FAT3: variants seen among roughly 807,000 people sequenced by gnomAD.
FAT3 encodes the protein FAT atypical cadherin 3.
Under a neutral mutation model 310.2 loss-of-function variants are expected in FAT3, and 95 were observed. The ratio of observed to expected loss-of-function variants is 0.31; its 90% CI spans 0.26 to 0.36. The LOEUF is 0.36. FAT3 is among the 10% of genes least tolerant of loss of function. FAT3 has a pLI of 1.00. For missense variants in FAT3, 5,408 were observed against 5,715.6 expected (o/e 0.95, Z 1.74); for synonymous variants, 2,314 against 2,192.9 (o/e 1.06, Z -1.54).
Position 92,792,921 on chromosome 11 carries a change from C to T in FAT3, c.4766C>T (p.Thr1589Met), listed in dbSNP as rs1181805794. ...CTGGGATCAGCTGTTCTGCAAGTGA[C>T]GGCTCTGGACAAAGACAAAGGAGAA... ...AALGSAVLQV[T>M]ALDKDKGENA... Residue 1589 changes from threonine (T) to methionine (M), a missense_variant, in exon 9 of 28, where the codon ACG (threonine) becomes ATG (methionine). By Grantham distance (81) the Thr-to-Met change is moderately conservative. Transcript: ENST00000525166. The T allele has an allele frequency of 1.3e-5, 21 of 1,613,578 alleles. No homozygotes were observed. In the East Asian group the frequency reaches 1.3e-4, roughly 10 times the overall value.
chr11:92,538,800 ATTAAGGTTCTTATGGGACCTT>A (rs1954346357), intron 3 of FAT3, among the ~76,000 whole-genome samples: 1 of 152,168 alleles, frequency 6.6e-6, no homozygotes, highest in Non-Finnish European at 1.5e-5. Context: ...AGTAAATAAT[ATTAAGGTTCTTATGGGACCTT>A]TTTTTCTGGC....
At chr11:92,671,163 G>A (rs1419477494) in intron 3 of FAT3, among the ~76,000 whole-genome samples, 1 of 151,918 alleles carries the variant, frequency 6.6e-6, no homozygotes, top group Non-Finnish European at 1.5e-5. Context: ...TTGTGCCTCA[G>A]CCTCCTGAGC....
intron 3 of FAT3, among the ~76,000 whole-genome samples, chr11:92,654,688 C>T (rs2135772782): frequency 1.3e-5 from 2 of 152,260 alleles, no homozygotes; most frequent in Admixed American, 1.3e-4. Context: ...CTGCTGAAAC[C>T]CTGGCACAAC....
intron 3 of FAT3, among the ~76,000 whole-genome samples, chr11:92,652,193 C>G (rs377754809): frequency 2.1e-5 from 3 of 142,732 alleles, no homozygotes; most frequent in East Asian, 4.3e-4. Context: ...GACTCCAAAG[C>G]CTCTGCTCCC....
intron 3 of FAT3, among the ~76,000 whole-genome samples, chr11:92,684,800 G>T (rs1034230073): frequency 1.3e-5 from 2 of 152,184 alleles, no homozygotes. Flanking sequence ...GATTCTTCCT[G>T]ACTCTTTCAA....
intron 2 of FAT3, among the ~76,000 whole-genome samples, chr11:92,424,304 C>T (rs896728094): frequency 6.6e-5 from 10 of 152,020 alleles, no homozygotes; most frequent in Non-Finnish European, 1.2e-4. Context: ...GTGAATTATA[C>T]CTGCTTATTT....
rs1949933431 is a variant in FAT3 at position 92,892,406 on chromosome 11, A to C, written c.*1293A>C. 7.2e-6 allele frequency: 1 copy of C among 138,360 alleles called. No homozygotes were observed. Among genetic ancestry groups the C allele is most frequent in the South Asian group, 2.6e-4 (1 of 3,798 alleles). The allele number at this position is 138,360 out of a possible 1,614,324, so 8.6% of individuals were successfully genotyped here. A position where few individuals can be genotyped will look rare whatever the true frequency, so the allele number is the denominator to read the frequency against. ...ATTTTGGTACTGCCAATAAAGCAAA[A>C]TTGTGCTTTTTTTTTTTTTTCTCAA... On this transcript the variant is annotated 3_prime_UTR_variant, in exon 28 of 28. Coordinates refer to ENST00000525166, the MANE Select transcript of FAT3 (RefSeq NM_001367949.2).
At chr11:92,553,842 G>T (rs1466132773) in intron 3 of FAT3, among the ~76,000 whole-genome samples, 8 of 147,430 alleles carry the variant, frequency 5.4e-5, no homozygotes, top group African/African-American at 1.3e-4. Flanking sequence ...TATCACTCTT[G>T]TTGCCCAGGC....
chr11:92,644,063 G>T (rs982786925), intron 3 of FAT3, among the ~76,000 whole-genome samples: 5 of 152,236 alleles, frequency 3.3e-5, no homozygotes, highest in African/African-American at 1.2e-4. Flanking sequence ...ATGCCTGGGT[G>T]CCTCTGCTGC....
chr11:92,757,441 G>C (rs1016011933), intron 4 of FAT3, among the ~76,000 whole-genome samples: 2 of 152,140 alleles, frequency 1.3e-5, no homozygotes, highest in Non-Finnish European at 2.9e-5. Flanking sequence ...TCCTTAATAA[G>C]AAATGATGCA....
chr11:92,713,496 A>G (rs181418888), intron 4 of FAT3, among the ~76,000 whole-genome samples: 371 of 152,298 alleles, frequency 2.4e-3, no homozygotes, highest in African/African-American at 7.6e-3. Flanking sequence ...CTGAAACTCA[A>G]TTAGTTTCTG....
At chr11:92,472,678 A>G (rs551577767) in intron 2 of FAT3, among the ~76,000 whole-genome samples, 2 of 152,340 alleles carry the variant, frequency 1.3e-5, no homozygotes, top group South Asian at 4.1e-4. Flanking sequence ...AAACTGAACT[A>G]CTAACACCCT....
At chr11:92,366,530 T>G (rs1431202116) in intron 2 of FAT3, 3 of 489,418 alleles carry the variant, frequency 6.1e-6, no homozygotes, top group Non-Finnish European at 1.2e-5. Context: ...AGCCGCAGCT[T>G]CCATGGCTTT....
intron 1 of FAT3, among the ~76,000 whole-genome samples, chr11:92,351,667 A>ATTT (rs33991336): frequency 5.3e-4 from 80 of 150,066 alleles, no homozygotes; most frequent in African/African-American, 1.7e-3. Context: ...GCATCTCTTC[A>ATTT]TTTTTTTTTT....
chr11:92,333,160 T>C (rs1443324548), intron 1 of FAT3, among the ~76,000 whole-genome samples: 1 of 152,310 alleles, frequency 6.6e-6, no homozygotes, highest in Non-Finnish European at 1.5e-5. Context: ...CAGATACTTA[T>C]AAGTCCTACC....
In FAT3 at chr11:92,798,670, C is replaced by T. The variant is rs755436580; in HGVS notation, c.5657C>T (p.Ala1886Val). ...VNDNPPVFTQ[A>V]VFETILLLPT... Reference sequence around the variant, plus strand: ...GATAACCCACCTGTTTTTACTCAGGCTGTGTTTGAGACTATCTTACTTCTA... The same window carrying T: ...GATAACCCACCTGTTTTTACTCAGGTTGTGTTTGAGACTATCTTACTTCTA... Residue 1886 changes from alanine (A) to valine (V), a missense_variant, in exon 10 of 28, where the codon GCT (alanine) becomes GTT (valine). Physicochemically the swap from Ala to Val is moderately conservative, Grantham distance 64. Around this residue, in one of 5 missense-constraint regions of FAT3, gnomAD observed 4,588 missense variants for 4,809.8 expected, o/e 0.95. Transcript: ENST00000525166. 37 of 1,613,604 alleles carry T rather than the reference C, an allele frequency of 2.3e-5. No individual in the cohort carries two copies. The highest frequency in any genetic ancestry group is 3.0e-5 in the Non-Finnish European group (35 of 1,179,844).
chr11:92,543,957 T>G (rs560335303), intron 3 of FAT3, among the ~76,000 whole-genome samples: 1 of 152,304 alleles, frequency 6.6e-6, no homozygotes, highest in African/African-American at 2.4e-5. Context: ...TCACTTTTAT[T>G]GATCACTACT....
chr11:92,648,001 T>C lies in FAT3; in HGVS notation c.3608-49383T>C, dbSNP rs182313739. ...ATTTCAGTAGGTTGATTTCATCTGT[T>C]AGGGATAGAAGAGCCGGAAAGAGGA... On this transcript the variant is annotated intron_variant, in intron 3 of 27. Transcript: ENST00000525166. Among the ~76,000 whole-genome samples, 207 of 152,274 alleles carry C rather than the reference T, an allele frequency of 1.4e-3. No homozygotes were observed. In the Middle Eastern group the frequency reaches 0.017, roughly 13 times the overall value.
rs369816347 is a variant in FAT3 at position 92,761,910 on chromosome 11, G to A, written c.3724G>A (p.Val1242Ile). ...AAAACAGTCAACCATTTGGGTGGTG[G>A]TTCAGGTTCTAGATGAAAATGACAA... ...SPKQSTIWVV[V>I]QVLDENDNKP... The change falls in exon 5 of 28, where the codon GTT (valine) becomes ATT (isoleucine). Residue 1242 changes from valine to isoleucine, a missense_variant. By Grantham distance (29) the Val-to-Ile change is conservative (BLOSUM62 3). Around this residue, in one of 5 missense-constraint regions of FAT3, gnomAD observed 4,588 missense variants for 4,809.8 expected, o/e 0.95. Coordinates refer to ENST00000525166, the MANE Select transcript of FAT3 (RefSeq NM_001367949.2). The A allele has an allele frequency of 1.3e-4, 205 of 1,613,826 alleles. 1 individual carries two copies. The highest frequency in any genetic ancestry group is 1.7e-4 in the Non-Finnish European group (200 of 1,179,876).
Sources: gnomAD v4.1 joint callset for allele counts (sites outside exome capture counted in the v4.1 genomes callset) on GRCh38, gnomAD v4.1.1 for gene constraint, gnomAD v4.1.1 regional missense constraint, MANE v1.5 for transcripts, NCBI Gene and HGNC (gene_info 2026-07-23, HGNC 2026-07-21) for gene names.